The following PTBP1 variants were observed in gnomAD, a reference collection of about 807,000 sequenced individuals.
The protein encoded by PTBP1 is polypyrimidine tract-binding protein 1.
Under a neutral mutation model 59.8 loss-of-function variants are expected in PTBP1, and 8 were observed. The ratio of observed to expected loss-of-function variants is 0.13; its 90% CI spans 0.08 to 0.24. The LOEUF (loss-of-function observed/expected upper bound fraction) is 0.24. PTBP1 is among the 10% of genes least tolerant of loss of function. The pLI is 1.00. For synonymous variants in PTBP1, 490 were observed against 320.7 expected (o/e 1.53, Z -5.64); for missense variants, 686 against 767.0 (o/e 0.89, Z 1.25).
At chr19:805,683 C>G in intron 9 of PTBP1, 114 bp downstream of exon 9, 1 of 890,416 alleles carries the variant, frequency 1.1e-6, no homozygotes, top group Non-Finnish European at 1.9e-6. Flanking sequence ...AGTGCCAGGT[C>G]AGGGGCCCTT....
Position 810,902 on chromosome 19 carries a change from T to C in PTBP1, c.*76T>C, listed in dbSNP as rs2034833368. 9 of 1,366,646 alleles carry C rather than the reference T, an allele frequency of 6.6e-6. 1 individual carries two copies. The highest frequency in any genetic ancestry group is 7.8e-6 in the Non-Finnish European group (8 of 1,025,394). The allele number at this position is 1,366,646 out of a possible 1,614,324, so 84.7% of individuals were successfully genotyped here. On this transcript the variant is annotated 3_prime_UTR_variant, in exon 15 of 15. Coordinates refer to ENST00000356948, the MANE Select transcript of PTBP1 (RefSeq NM_002819.5). ...AGAGAAAAGCCACTTTAAAAACAGC[T>C]GAAGTGACCTTAGCAGACCAGAGAT...
chr19:802,931 C>A (rs146374206), intron 2 of PTBP1, among the ~76,000 whole-genome samples: 2 of 152,250 alleles, frequency 1.3e-5, no homozygotes, highest in Admixed American at 6.5e-5. Flanking sequence ...GCCCTAGTCA[C>A]GGCCGCGATA....
Position 810,561 on chromosome 19 carries a change from G to A in PTBP1, c.1482G>A (p.Glu494=), listed in dbSNP as rs1289440255. 1 of 1,613,430 alleles carries A rather than the reference G, an allele frequency of 6.2e-7. No homozygotes were observed. ...CCCACAGGCCCTCAGTCTCCGAGGA[G>A]GATCTCAAGGTCCTGTTTTCCAGCA... ...LSNIPPSVSE[E]DLKVLFSSNG... The change falls in exon 14 of 15, where the codon GAG becomes GAA. Residue 494 remains glutamate, a synonymous_variant. Coordinates refer to ENST00000356948, the MANE Select transcript of PTBP1 (RefSeq NM_002819.5).
At chr19:806,011 C>T (rs2034547869) in intron 9 of PTBP1, 2 of 254,024 alleles carry the variant, frequency 7.9e-6, no homozygotes, top group South Asian at 1.2e-4. Context: ...CCAGTGCTGG[C>T]CGTGGACGGA....
chr19:808,623 C>T lies in PTBP1; in HGVS notation c.1324C>T (p.Leu442=). ...ITLSKHQNVQ[L]PREGQEDQGL... ...GCTCTCGAAGCACCAGAACGTGCAG[C>T]TGCCCCGCGAGGGCCAGGAGGACCA... Residue 442 remains leucine, a synonymous_variant, in exon 13 of 15, where the codon CTG becomes TTG. Transcript: ENST00000356948. The surrounding 1 kb of genome is among the most constrained non-coding windows in gnomAD (Gnocchi z 4.7). The T allele has an allele frequency of 6.2e-7, 1 of 1,610,700 alleles. No homozygotes were observed. Among genetic ancestry groups the T allele is most frequent in the Non-Finnish European group, 8.5e-7 (1 of 1,179,580 alleles).
At chr19:802,927 G>C (rs547205357) in intron 2 of PTBP1, among the ~76,000 whole-genome samples, 1 of 152,238 alleles carries the variant, frequency 6.6e-6, no homozygotes, top group South Asian at 2.1e-4. Context: ...CCCGGCCCTA[G>C]TCACGGCCGC....
intron 3 of PTBP1, 41 bp from the exon 4 acceptor site, chr19:803,995 C>A (rs2145042917): frequency 6.2e-7 from 1 of 1,611,940 alleles, no homozygotes; most frequent in Non-Finnish European, 8.5e-7. Context: ...CTGTGGGCTC[C>A]TGCGAGTTGG....
intron 9 of PTBP1, chr19:806,004 G>C: frequency 3.8e-6 from 1 of 260,272 alleles, no homozygotes; most frequent in Non-Finnish European, 7.3e-6. Context: ...GGCCGCCCCA[G>C]TGCTGGCCGT....
chr19:803,964 G>A (rs1360692887), intron 3 of PTBP1, 72 bp from the exon 4 acceptor site: 2 of 1,573,710 alleles, frequency 1.3e-6, no homozygotes, highest in East Asian at 2.2e-5. Flanking sequence ...AGGGCTCTAG[G>A]GGGATAGCAG....
Position 803,897 on chromosome 19 carries a change from C to G in PTBP1, c.116-139C>G, listed in dbSNP as rs140113350. 3,409 of 1,028,126 alleles carry G rather than the reference C, an allele frequency of 3.3e-3. 67 individuals carry two copies. The African/African-American group carries it at 0.05, about 15-fold the overall frequency. The allele number at this position is 1,028,126 out of a possible 1,614,324, so 63.7% of individuals were successfully genotyped here. A position where few individuals can be genotyped will look rare whatever the true frequency, so the allele number is the denominator to read the frequency against. ...CCTGACTGTGCAGGTCTTGGCCTCT[C>G]GCGCTGCTGGTTCACATGCACCCTC... On this transcript the variant is annotated intron_variant, in intron 3 of 14. Transcript: ENST00000356948.
Position 804,083 on chromosome 19 carries a change from G to T in PTBP1, c.163G>T (p.Gly55Cys), listed in dbSNP as rs753307845. Residue 55 changes from glycine (G) to cysteine (C), a missense_variant, in exon 4 of 15, where the codon GGC (glycine) becomes TGC (cysteine). Physicochemically the swap from Gly to Cys is radical, Grantham distance 159. Coordinates refer to ENST00000356948, the MANE Select transcript of PTBP1 (RefSeq NM_002819.5). ...KKFKGDSRSAGVPSRVIHIRK... is the reference protein window; with the variant it reads ...KKFKGDSRSACVPSRVIHIRK... ...GTTCAAAGGTGACAGCCGAAGTGCAGGCGTCCCCTCTAGAGTGATCCACAT... is the reference window on the plus strand; with the variant it reads ...GTTCAAAGGTGACAGCCGAAGTGCATGCGTCCCCTCTAGAGTGATCCACAT... 2 of 1,613,952 alleles carry T rather than the reference G, an allele frequency of 1.2e-6. No homozygotes were observed. The highest frequency in any genetic ancestry group is 1.7e-5 in the Admixed American group (1 of 59,990).
chr19:810,475 C>G, intron 13 of PTBP1, 68 bp from the exon 14 acceptor site: 2 of 1,383,230 alleles, frequency 1.4e-6, no homozygotes, highest in Non-Finnish European at 2.0e-6. Context: ...CTGGGGAAAG[C>G]CTCGCGGACC....
At chr19:806,849 G>T (rs747404333) in intron 10 of PTBP1, 1 of 283,686 alleles carries the variant, frequency 3.5e-6, no homozygotes, top group Non-Finnish European at 6.6e-6. Flanking sequence ...AGGGCGCGCA[G>T]TTCAGAGCCC....
chr19:805,297 T>A, intron 8 of PTBP1, 110 bp downstream of exon 8: 2 of 1,342,936 alleles, frequency 1.5e-6, no homozygotes, highest in South Asian at 2.6e-5. Context: ...ATGCACCTGC[T>A]GCTCTCTGCA....
Position 803,512 on chromosome 19 carries a change from G to C in PTBP1, c.40-49G>C, listed in dbSNP as rs559762937. 2.0e-5 allele frequency: 30 copies of C among 1,538,006 alleles called. No homozygotes were observed. In the South Asian group the frequency reaches 2.6e-4, roughly 13 times the overall value. ...CAGGGCCGGCCGGTGGGGAAGGGAG[G>C]CTCTGGCCTGGTGGGAAGTGCAGCT... On this transcript the variant is annotated intron_variant, in intron 2 of 14. Transcript: ENST00000356948.
In PTBP1 at chr19:808,486, G is replaced by C; in HGVS notation, c.1246+34G>C. ...CCGGGGCGGCCCCGGGGTGGAGGGGGCAGGGGCGGGGGCTGCGTTCCCTCT... is the reference window on the plus strand; with the variant it reads ...CCGGGGCGGCCCCGGGGTGGAGGGGCCAGGGGCGGGGGCTGCGTTCCCTCT... On this transcript the variant is annotated intron_variant, in intron 12 of 14. Transcript: ENST00000356948. The surrounding 1 kb of genome is among the most constrained non-coding windows in gnomAD (Gnocchi z 4.7). The C allele has an allele frequency of 6.4e-7, 1 of 1,561,232 alleles. No individual in the cohort carries two copies. Among genetic ancestry groups the C allele is most frequent in the Admixed American group, 1.9e-5 (1 of 52,844 alleles).
In PTBP1 at chr19:808,297, C is replaced by G; in HGVS notation, c.1154-63C>G. Reference sequence around the variant, plus strand: ...CTTGTGGGGGTGCGCGGGGCCGGGGCTGACGGGGAGATGGGCGGGGCAGGC... The same window carrying G: ...CTTGTGGGGGTGCGCGGGGCCGGGGGTGACGGGGAGATGGGCGGGGCAGGC... On this transcript the variant is annotated intron_variant, in intron 11 of 14. Coordinates refer to ENST00000356948, the MANE Select transcript of PTBP1 (RefSeq NM_002819.5). This position sits in a 1 kb window ranked among gnomAD's most constrained non-coding sequence, Gnocchi z 4.7. 7.3e-7 allele frequency: 1 copy of G among 1,373,226 alleles called. No homozygotes were observed. Among genetic ancestry groups the G allele is most frequent in the Non-Finnish European group, 1.0e-6 (1 of 987,028 alleles). 85.1% of individuals were successfully genotyped at this position (1,373,226 alleles called of 1,614,324 possible). A position where few individuals can be genotyped will look rare whatever the true frequency, so the allele number is the denominator to read the frequency against.
In PTBP1 at chr19:808,019, C is replaced by T. The variant is rs957240810; in HGVS notation, c.1153+117C>T. ...CTCTGATGCTCCGTGGCATCCGCCT[C>T]GTTTTATGGTTTGCTTTCGGTTTGC... On this transcript the variant is annotated intron_variant, in intron 11 of 14. Transcript: ENST00000356948. This position sits in a 1 kb window ranked among gnomAD's most constrained non-coding sequence, Gnocchi z 4.7. The T allele has an allele frequency of 1.0e-5, 10 of 963,246 alleles. No homozygotes were observed. The African/African-American group carries it at 1.1e-4, about 11-fold the overall frequency. The allele number at this position is 963,246 out of a possible 1,614,324, so 59.7% of individuals were successfully genotyped here.
intron 1 of PTBP1, among the ~76,000 whole-genome samples, chr19:797,923 C>T (rs1439007773): frequency 8.7e-5 from 13 of 148,858 alleles, no homozygotes; most frequent in Admixed American, 2.7e-4. Flanking sequence ...CGCGCGTCCC[C>T]GTTGGCCCCA....
Sources: allele counts gnomAD v4.1 joint callset (sites outside exome capture counted in the v4.1 genomes callset), GRCh38; gene constraint gnomAD v4.1.1; non-coding constraint Gnocchi (gnomAD v3.1); transcripts MANE v1.5; gene names NCBI Gene and HGNC (gene_info 2026-07-23, HGNC 2026-07-21).